The following NELL1 variants were observed in gnomAD, a reference collection of about 807,000 sequenced individuals.
NELL1 encodes the protein neural EGFL like 1, also known as protein kinase C-binding protein NELL1.
Under a neutral mutation model 107.4 loss-of-function variants are expected in NELL1, and 76 were observed. That is an observed-to-expected ratio of 0.71 (90% CI 0.59 to 0.86). The LOEUF is 0.86. Ranked by LOEUF, NELL1 falls within the 40% of genes least tolerant of loss-of-function variation. NELL1 has a pLI of 0.00. For synonymous variants in NELL1, 353 were observed against 341.2 expected, an observed-to-expected ratio of 1.03 and a Z score of -0.38; for missense variants, 1,024 against 1,005.5, an observed-to-expected ratio of 1.02 and a Z score of -0.25.
chr11:21,123,619 T>C (rs184541567), intron 13 of NELL1, among the ~76,000 whole-genome samples: 1 of 152,148 alleles, frequency 6.6e-6, no homozygotes, highest in African/African-American at 2.4e-5. Context: ...CTGATGAGAA[T>C]GTAAATTGAT....
At chr11:20,754,654 G>A (rs1856218774) in intron 2 of NELL1, among the ~76,000 whole-genome samples, 1 of 152,152 alleles carries the variant, frequency 6.6e-6, no homozygotes, top group Admixed American at 6.5e-5. Flanking sequence ...ATTTTACTAA[G>A]ATATGACATT....
intron 2 of NELL1, among the ~76,000 whole-genome samples, chr11:20,779,837 G>A (rs867051428): frequency 6.6e-6 from 1 of 152,198 alleles, no homozygotes; most frequent in African/African-American, 2.4e-5. Flanking sequence ...GAATTTAGTG[G>A]TCTTAATTTT....
chr11:20,986,398 A>G (rs994519488), intron 12 of NELL1, among the ~76,000 whole-genome samples: 5 of 152,102 alleles, frequency 3.3e-5, no homozygotes, highest in African/African-American at 1.2e-4. Flanking sequence ...GGCCATTGTC[A>G]CCTTCACCTC....
chr11:21,553,636 G>C (rs1007236571), intron 16 of NELL1, among the ~76,000 whole-genome samples: 5 of 151,620 alleles, frequency 3.3e-5, no homozygotes, highest in African/African-American at 1.2e-4. Context: ...CAAAAGCAAG[G>C]GTTCTTTTTC....
intron 12 of NELL1, among the ~76,000 whole-genome samples, chr11:21,026,234 G>A (rs908737379): frequency 1.3e-5 from 2 of 152,090 alleles, no homozygotes; most frequent in Non-Finnish European, 2.9e-5. Context: ...TAAAAGCAAA[G>A]CTTGGAAGCC....
At chr11:20,923,697 T>G (rs1311561872) in intron 7 of NELL1, among the ~76,000 whole-genome samples, 1 of 152,220 alleles carries the variant, frequency 6.6e-6, no homozygotes, top group Non-Finnish European at 1.5e-5. Flanking sequence ...TCTTGATTAC[T>G]TCTGTTTAAA....
chr11:21,324,343 T>C (rs1850080599), intron 14 of NELL1, among the ~76,000 whole-genome samples: 1 of 152,104 alleles, frequency 6.6e-6, no homozygotes, highest in Non-Finnish European at 1.5e-5. Context: ...CATGGAGAAT[T>C]ATCTTATTAA....
chr11:21,560,118 G>A (rs954333255), intron 16 of NELL1, 71 bp from the exon 17 acceptor site: 2 of 1,422,608 alleles, frequency 1.4e-6, no homozygotes, highest in Middle Eastern at 1.8e-4. Flanking sequence ...TAATGCTACT[G>A]CAAATGATGG....
intron 12 of NELL1, among the ~76,000 whole-genome samples, chr11:21,050,677 C>T (rs1282101961): frequency 2.0e-5 from 3 of 151,030 alleles, no homozygotes; most frequent in Non-Finnish European, 4.4e-5. Flanking sequence ...TGTCTGTCTT[C>T]TTCTTTAACT....
chr11:20,981,410 T>G (rs1851746847), intron 12 of NELL1, among the ~76,000 whole-genome samples: 1 of 152,168 alleles, frequency 6.6e-6, no homozygotes, highest in Non-Finnish European at 1.5e-5. Flanking sequence ...GAGCAGGAGA[T>G]GATATGATGG....
chr11:21,503,649 G>A (rs1475907632), intron 15 of NELL1, among the ~76,000 whole-genome samples: 3 of 152,120 alleles, frequency 2.0e-5, no homozygotes, highest in African/African-American at 7.2e-5. Flanking sequence ...CTAGGTAATA[G>A]GTAATTATTT....
intron 3 of NELL1, among the ~76,000 whole-genome samples, chr11:20,822,266 A>G (rs1035938693): frequency 2.0e-5 from 3 of 152,218 alleles, no homozygotes; most frequent in Admixed American, 6.5e-5. Flanking sequence ...GTAAACTGGC[A>G]TAATCAGGAC....
chr11:21,213,673 C>A (rs2085027), intron 13 of NELL1, among the ~76,000 whole-genome samples: 30,232 of 151,936 alleles, frequency 0.2, 3,631 homozygotes, highest in Non-Finnish European at 0.26. Context: ...AATAGAGACC[C>A]CAGAAACAGA....
chr11:21,115,475 G>A (rs1855213438), intron 13 of NELL1, among the ~76,000 whole-genome samples: 1 of 151,948 alleles, frequency 6.6e-6, no homozygotes, highest in South Asian at 2.1e-4. Context: ...GAGAACAGAA[G>A]GTTGGGTGCT....
At position 21,084,238 on chromosome 11, in the gene NELL1, G is replaced by T. The variant is rs561351357; in HGVS notation, c.1301-29351G>T. On this transcript the variant is annotated intron_variant, in intron 12 of 19. Coordinates refer to ENST00000357134, the MANE Select transcript of NELL1 (RefSeq NM_006157.5). The stretch of plus-strand genomic sequence containing the variant: ...GAACACTGAGGTCCTGGACATATGT[G>T]CATCAATGTTAGTGTCAAAGATAGT... Among the ~76,000 whole-genome samples, 24 of 152,256 alleles carry T rather than the reference G, an allele frequency of 1.6e-4. No individual in the cohort carries two copies. In the South Asian group the frequency reaches 5.0e-3, roughly 32 times the overall value.
At chr11:21,068,032 CAAAAAAAAAA>C (rs1195285619) in intron 12 of NELL1, among the ~76,000 whole-genome samples, 133 of 40,390 alleles carry the variant, frequency 3.3e-3, no homozygotes, top group African/African-American at 0.013. Context: ...GATGCCATCT[CAAAAAAAAAA>C]AAAAAAAAAA....
chr11:20,848,573 A>G (rs1405697521), intron 4 of NELL1, among the ~76,000 whole-genome samples: 1 of 152,166 alleles, frequency 6.6e-6, no homozygotes, highest in Non-Finnish European at 1.5e-5. Flanking sequence ...CATTCTGAGC[A>G]GTGCCCATGC....
intron 15 of NELL1, chr11:21,504,114 G>T (rs989031784): frequency 2.0e-5 from 3 of 152,166 alleles, no homozygotes; most frequent in African/African-American, 7.2e-5. Context: ...CATGAAAGAG[G>T]TCTGCGAGAG....
intron 12 of NELL1, among the ~76,000 whole-genome samples, chr11:21,064,299 G>T: frequency 6.6e-6 from 1 of 152,110 alleles, no homozygotes; most frequent in East Asian, 1.9e-4. Context: ...ATTTACACAG[G>T]CTGCTGTGGT....
Sources: gnomAD v4.1 joint callset for allele counts (sites outside exome capture counted in the v4.1 genomes callset) on GRCh38, gnomAD v4.1.1 for gene constraint, MANE v1.5 for transcripts, NCBI Gene and HGNC (gene_info 2026-07-23, HGNC 2026-07-21) for gene names.